Variants in MLIP observed in about 807,000 individuals in gnomAD.
MLIP encodes muscular LMNA interacting protein.
A neutral mutation model predicts 84.8 loss-of-function variants in MLIP; 79 were observed. That is an observed-to-expected ratio of 0.93 (90% CI 0.78 to 1.12). MLIP has a LOEUF of 1.12. Ranked by LOEUF, MLIP falls within the 50% of genes most tolerant of loss-of-function variation. The pLI, the probability that MLIP is intolerant of heterozygous loss-of-function variation, is 0.00. For synonymous variants in MLIP, 504 were observed against 463.0 expected (o/e 1.09, Z -1.14); for missense variants, 1,257 against 1,160.6 (o/e 1.08, Z -1.21).
intron 4 of MLIP, among the ~76,000 whole-genome samples, chr6:54,139,714 C>G (rs1772131031): frequency 6.6e-6 from 1 of 152,018 alleles, no homozygotes; most frequent in East Asian, 1.9e-4. Flanking sequence ...AATAATTGTC[C>G]AGGTAATGGG....
At position 54,032,419 on chromosome 6, in the gene MLIP, C is replaced by T. The variant is rs543702616; in HGVS notation, c.63+13328C>T. ...ACCAAAATCCTGTGCTGAGGGGTAG[C>T]TTCTCCTCCATCACAGCCTGCAATA... On this transcript the variant is annotated intron_variant, in intron 1 of 12. Transcript: ENST00000274897. The T allele has an allele frequency of 5.3e-5, 8 of 152,242 alleles. 1 individual carries two copies. The highest frequency in any genetic ancestry group is 1.9e-4 in the African/African-American group (8 of 41,544). 9.4% of individuals were successfully genotyped at this position (152,242 alleles called of 1,614,324 possible).
chr6:54,045,102 A>G (rs776782891), intron 1 of MLIP, among the ~76,000 whole-genome samples: 25 of 151,856 alleles, frequency 1.6e-4, no homozygotes, highest in Admixed American at 4.6e-4. Context: ...AAATCCCAGC[A>G]CTTAGGGAGG....
At chr6:54,083,718 G>A (rs535454550) in intron 1 of MLIP, 34 of 1,321,460 alleles carry the variant, frequency 2.6e-5, no homozygotes, top group African/African-American at 1.0e-4. Context: ...TTCTTATTTC[G>A]TATTGCAGTA....
chr6:54,163,950 T>C (rs1774915967), intron 8 of MLIP, among the ~76,000 whole-genome samples: 1 of 151,962 alleles, frequency 6.6e-6, no homozygotes, highest in South Asian at 2.1e-4. Flanking sequence ...AAATTGTAGG[T>C]ACTCTTTCTT....
In MLIP at chr6:54,143,149, A is replaced by G. The variant is rs370675174; in HGVS notation, c.2217+4863A>G. Among the ~76,000 whole-genome samples the G allele has an allele frequency of 2.0e-5, 3 of 150,624 alleles. No individual in the cohort carries two copies. In the East Asian group the frequency reaches 5.8e-4, roughly 29 times the overall value. ...TGAATTGATCCTAGTAACGGTTCGC[A>G]CTCAGGTGTTCAATGATTGACAAAA... On this transcript the variant is annotated intron_variant, in intron 4 of 13. Coordinates refer to ENST00000502396, the MANE Select transcript of MLIP (RefSeq NM_001281747.2).
chr6:54,213,519 T>C (rs143485046), intron 11 of MLIP, among the ~76,000 whole-genome samples: 73 of 151,854 alleles, frequency 4.8e-4, no homozygotes, highest in Non-Finnish European at 5.7e-4. Context: ...CTGGCCAACA[T>C]GGTGAAACCC....
At chr6:54,083,067 A>T (rs1363954052) in intron 1 of MLIP, among the ~76,000 whole-genome samples, 1 of 152,104 alleles carries the variant, frequency 6.6e-6, no homozygotes, top group African/African-American at 2.4e-5. Flanking sequence ...TATCCACCAA[A>T]ACTGTCTGAA....
chr6:54,051,932 G>A (rs987860479), intron 1 of MLIP, among the ~76,000 whole-genome samples: 2 of 152,070 alleles, frequency 1.3e-5, no homozygotes, highest in Admixed American at 1.3e-4. Flanking sequence ...GGAATTTATT[G>A]CTTGGTATAA....
chr6:54,223,899 G>A (rs1460226391), intron 11 of MLIP, among the ~76,000 whole-genome samples: 1 of 151,886 alleles, frequency 6.6e-6, no homozygotes, highest in Admixed American at 6.6e-5. Context: ...TTGTCTATTA[G>A]AACTGATAAG....
intron 13 of MLIP, among the ~76,000 whole-genome samples, chr6:54,261,048 G>A (rs1783351234): frequency 2.0e-5 from 3 of 151,958 alleles, no homozygotes; most frequent in Non-Finnish European, 2.9e-5. Flanking sequence ...TCACACCAAT[G>A]CAGTAATTTC....
intron 1 of MLIP, among the ~76,000 whole-genome samples, chr6:54,090,914 A>G (rs997635326): frequency 6.6e-6 from 1 of 152,172 alleles, no homozygotes; most frequent in Non-Finnish European, 1.5e-5. Flanking sequence ...ACCAAAATGT[A>G]TCATTGTTCT....
intron 1 of MLIP, among the ~76,000 whole-genome samples, chr6:54,088,907 C>G (rs1291919238): frequency 2.0e-5 from 3 of 152,028 alleles, no homozygotes; most frequent in Non-Finnish European, 4.4e-5. Flanking sequence ...ATTGATAAGT[C>G]CATACTCCAG....
At position 54,138,277 on chromosome 6, in the gene MLIP, G is replaced by A. The variant is rs1449773189; in HGVS notation, c.2208G>A (p.Lys736=). Reference sequence around the variant, plus strand: ...CCATGTCAACAGGCCCAGAAAATAAGAAATCAAAGGTATTTTTTGCATGTT... The same window carrying A: ...CCATGTCAACAGGCCCAGAAAATAAAAAATCAAAGGTATTTTTTGCATGTT... The part of the protein sequence containing the change: ...ALSMSTGPEN[K]KSKQYKTKSS... Residue 736 remains lysine, a synonymous_variant, in exon 4 of 14, where the codon AAG becomes AAA. Transcript: ENST00000502396. 6.5e-7 allele frequency: 1 copy of A among 1,532,576 alleles called. No homozygotes were observed. Among genetic ancestry groups the A allele is most frequent in the Admixed American group, 2.0e-5 (1 of 50,866 alleles). 94.9% of individuals were successfully genotyped at this position (1,532,576 alleles called of 1,614,324 possible).
At chr6:54,080,369 C>A (rs1022413109) in intron 1 of MLIP, among the ~76,000 whole-genome samples, 1 of 151,980 alleles carries the variant, frequency 6.6e-6, no homozygotes, top group Non-Finnish European at 1.5e-5. Context: ...TCACCCCCCA[C>A]CCCAGTTTTA....
At chr6:54,112,736 A>G (rs925081600) in intron 1 of MLIP, among the ~76,000 whole-genome samples, 2 of 152,248 alleles carry the variant, frequency 1.3e-5, no homozygotes, top group Admixed American at 6.5e-5. Context: ...TTAGGAAAAT[A>G]TAACAATAAA....
At chr6:54,236,563 T>C (rs1258339796) in intron 12 of MLIP, among the ~76,000 whole-genome samples, 1 of 151,136 alleles carries the variant, frequency 6.6e-6, no homozygotes, top group Non-Finnish European at 1.5e-5. Context: ...GATCACTCCA[T>C]TATACTCCAG....
At chr6:54,062,959 T>C (rs1237817687) in intron 1 of MLIP, among the ~76,000 whole-genome samples, 1 of 152,104 alleles carries the variant, frequency 6.6e-6, no homozygotes, top group Non-Finnish European at 1.5e-5. Context: ...TCCCAGCACT[T>C]TGGGAGGCCG....
chr6:54,119,925 A>G (rs1011919899), intron 1 of MLIP, among the ~76,000 whole-genome samples: 1 of 152,182 alleles, frequency 6.6e-6, no homozygotes, highest in Non-Finnish European at 1.5e-5. Context: ...CCAGTCTCAA[A>G]GGAGAGCATG....
At chr6:54,158,106 G>A (rs1774229605) in intron 5 of MLIP, among the ~76,000 whole-genome samples, 1 of 151,996 alleles carries the variant, frequency 6.6e-6, no homozygotes, top group Non-Finnish European at 1.5e-5. Flanking sequence ...GTACCTCTTG[G>A]TCAAGGCTAA....
Sources: gnomAD v4.1 joint callset for allele counts (sites outside exome capture counted in the v4.1 genomes callset) on GRCh38, gnomAD v4.1.1 for gene constraint, MANE v1.5 for transcripts, NCBI Gene and HGNC (gene_info 2026-07-23, HGNC 2026-07-21) for gene names.